The following TAX1BP1 variants were observed in gnomAD, a reference collection of about 807,000 sequenced individuals.
The protein encoded by TAX1BP1 is tax1-binding protein 1.
In TAX1BP1, 62 loss-of-function variants were observed where a neutral mutation model predicts 97.7. That is an observed-to-expected ratio of 0.63 (90% CI 0.52 to 0.78). The LOEUF (loss-of-function observed/expected upper bound fraction) is 0.78. TAX1BP1 is among the 30% of genes least tolerant of loss of function. TAX1BP1 has a pLI of 0.00. For synonymous variants in TAX1BP1, 340 were observed against 304.2 expected (o/e 1.12, Z -1.23); for missense variants, 867 against 916.1 (o/e 0.95, Z 0.69).
chr7:27,798,881 C>A (rs896637506), intron 12 of TAX1BP1, among the ~76,000 whole-genome samples: 2 of 147,938 alleles, frequency 1.4e-5, no homozygotes, highest in African/African-American at 2.5e-5. Flanking sequence ...TAGGGTTGTT[C>A]ATCTTGAGTT....
chr7:27,806,841 G>A (rs573335980), intron 13 of TAX1BP1, among the ~76,000 whole-genome samples: 21 of 152,128 alleles, frequency 1.4e-4, no homozygotes, highest in African/African-American at 4.1e-4. Context: ...ATTAACTTAG[G>A]GATAACTAAC....
chr7:27,774,270 A>G (rs1788945967), intron 5 of TAX1BP1, among the ~76,000 whole-genome samples: 2 of 152,238 alleles, frequency 1.3e-5, no homozygotes, highest in East Asian at 1.9e-4. Context: ...GTGACAGCAT[A>G]TACTGCAAAG....
In TAX1BP1 at chr7:27,764,338, A is replaced by G. The variant is rs559530396; in HGVS notation, c.266-1496A>G. Reference sequence around the variant, plus strand: ...TACTTTCTTGTGAAGTACTGTTAGCATTTTGTGGTGTTGTTTGTTTTGGTA... The same window carrying G: ...TACTTTCTTGTGAAGTACTGTTAGCGTTTTGTGGTGTTGTTTGTTTTGGTA... On this transcript the variant is annotated intron_variant, in intron 3 of 16. Coordinates refer to ENST00000396319, the MANE Select transcript of TAX1BP1 (RefSeq NM_006024.7). Among the ~76,000 whole-genome samples the G allele has an allele frequency of 5.9e-5, 9 of 151,976 alleles. No homozygotes were observed. The South Asian group carries it at 1.2e-3, about 21-fold the overall frequency.
chr7:27,794,813 G>A (rs1439455352), intron 11 of TAX1BP1, among the ~76,000 whole-genome samples: 1 of 152,002 alleles, frequency 6.6e-6, no homozygotes, highest in Non-Finnish European at 1.5e-5. Flanking sequence ...TTTATTTGTG[G>A]ATTTTAATTT....
chr7:27,742,382 A>C (rs1043385569), intron 1 of TAX1BP1, among the ~76,000 whole-genome samples: 8 of 152,166 alleles, frequency 5.3e-5, no homozygotes, highest in African/African-American at 1.9e-4. Flanking sequence ...ACTCTTAAGG[A>C]GCATGCTGCC....
intron 5 of TAX1BP1, among the ~76,000 whole-genome samples, chr7:27,771,420 G>A (rs1788844700): frequency 6.6e-6 from 1 of 151,604 alleles, no homozygotes; most frequent in Non-Finnish European, 1.5e-5. Flanking sequence ...AGGAAGGAAT[G>A]GATGATTGTG....
chr7:27,787,948 ACAGT>A (rs1433113370), intron 8 of TAX1BP1, among the ~76,000 whole-genome samples: 1 of 152,080 alleles, frequency 6.6e-6, no homozygotes, highest in African/African-American at 2.4e-5. Flanking sequence ...TGATTGAATA[ACAGT>A]CATTCTCATA....
chr7:27,757,039 T>G (rs545554842), intron 2 of TAX1BP1, among the ~76,000 whole-genome samples: 13 of 152,286 alleles, frequency 8.5e-5, no homozygotes, highest in Admixed American at 6.5e-4. Context: ...TTACTGGGTT[T>G]GTAACCTGTA....
At position 27,816,816 on chromosome 7, in the gene TAX1BP1, T is replaced by C. The variant is rs935207325; in HGVS notation, c.1937-74T>C. The C allele has an allele frequency of 1.1e-5, 16 of 1,523,758 alleles. No individual in the cohort carries two copies. In the Admixed American group the frequency reaches 3.2e-4, roughly 31 times the overall value. The allele number at this position is 1,523,758 out of a possible 1,614,324, so 94.4% of individuals were successfully genotyped here. A position where few individuals can be genotyped will look rare whatever the true frequency, so the allele number is the denominator to read the frequency against. ...GCCAAAGTGGTTCTTTATATCCTGT[T>C]CATCATATCTGTATATACAGATGTT... is the stretch of plus-strand genomic sequence containing the variant. On this transcript the variant is annotated intron_variant, in intron 14 of 16. Coordinates refer to ENST00000396319, the MANE Select transcript of TAX1BP1 (RefSeq NM_006024.7).
At chr7:27,809,444 A>G (rs1357770366) in intron 13 of TAX1BP1, among the ~76,000 whole-genome samples, 2 of 152,214 alleles carry the variant, frequency 1.3e-5, no homozygotes, top group Non-Finnish European at 2.9e-5. Context: ...TTGCCCATGT[A>G]AGTTCATGGA....
intron 12 of TAX1BP1, among the ~76,000 whole-genome samples, chr7:27,798,184 AT>A (rs1790005262): frequency 6.6e-6 from 1 of 151,832 alleles, no homozygotes; most frequent in Non-Finnish European, 1.5e-5. Flanking sequence ...TTCCTTTTTT[AT>A]TTTATCATTT....
In TAX1BP1 at chr7:27,787,607, A is replaced by C. The variant is rs761024293; in HGVS notation, c.1038+4A>C. 1 of 1,599,634 alleles carries C rather than the reference A, an allele frequency of 6.3e-7. No individual in the cohort carries two copies. The highest frequency in any genetic ancestry group is 1.8e-5 in the Admixed American group (1 of 56,976). On this transcript the variant is annotated splice_donor_region_variant and intron_variant, in intron 8 of 16. Transcript: ENST00000396319. The stretch of plus-strand genomic sequence containing the variant: ...CCTGCTTACAACCTCAAGTAAAGTA[A>C]GTACTTTTGCTATATATATTTGAAG...
chr7:27,760,253 A>G (rs1174265492), intron 3 of TAX1BP1, among the ~76,000 whole-genome samples: 7 of 152,194 alleles, frequency 4.6e-5, no homozygotes, highest in Admixed American at 3.9e-4. Context: ...ACAAACTAAA[A>G]GAAAAACCTT....
intron 1 of TAX1BP1, among the ~76,000 whole-genome samples, chr7:27,740,953 T>C (rs1252201655): frequency 6.6e-6 from 1 of 152,176 alleles, no homozygotes; most frequent in Non-Finnish European, 1.5e-5. Context: ...AGGGAATCTG[T>C]GGCTAGAGTT....
intron 3 of TAX1BP1, among the ~76,000 whole-genome samples, chr7:27,763,327 T>C (rs1788500372): frequency 1.3e-5 from 2 of 152,216 alleles, no homozygotes; most frequent in Non-Finnish European, 2.9e-5. Flanking sequence ...TAGTTTTCAC[T>C]TTTTCCCATT....
intron 1 of TAX1BP1, among the ~76,000 whole-genome samples, chr7:27,741,560 G>A (rs1390598498): frequency 6.6e-6 from 1 of 151,344 alleles, no homozygotes; most frequent in East Asian, 1.9e-4. Flanking sequence ...GAGTGCAGTG[G>A]CGCGATCGCG....
chr7:27,789,050 A>G (rs755673430), intron 8 of TAX1BP1, among the ~76,000 whole-genome samples: 1 of 151,942 alleles, frequency 6.6e-6, no homozygotes, highest in Non-Finnish European at 1.5e-5. Flanking sequence ...ATTATTACTC[A>G]TGTGTTTCCA....
chr7:27,772,920 A>G (rs983176822), intron 5 of TAX1BP1, among the ~76,000 whole-genome samples: 1 of 152,002 alleles, frequency 6.6e-6, no homozygotes, highest in African/African-American at 2.4e-5. Context: ...TACATCCTAG[A>G]TTTAAAAAGT....
At chr7:27,777,669 T>C (rs1276117840) in intron 5 of TAX1BP1, among the ~76,000 whole-genome samples, 1 of 152,210 alleles carries the variant, frequency 6.6e-6, no homozygotes, top group Admixed American at 6.5e-5. Context: ...TGGTACTCTC[T>C]CCTGAAACTA....
Sources: allele counts gnomAD v4.1 joint callset (sites outside exome capture counted in the v4.1 genomes callset), GRCh38; gene constraint gnomAD v4.1.1; transcripts MANE v1.5; gene names NCBI Gene and HGNC (gene_info 2026-07-23, HGNC 2026-07-21).